ZCCHC7: variants seen among roughly 807,000 people sequenced by gnomAD.
The protein encoded by ZCCHC7 is zinc finger CCHC domain-containing protein 7.
In ZCCHC7, 35 loss-of-function variants were observed where a neutral mutation model predicts 52.0. The observed-to-expected ratio is 0.67, with a 90% CI of 0.51 to 0.89. The LOEUF (loss-of-function observed/expected upper bound fraction) is 0.89, where lower values mean the gene tolerates loss of function less well. Among genes scored for constraint, ZCCHC7 ranks in the 40% least tolerant of loss-of-function variants. The pLI is 0.00. For missense variants in ZCCHC7, 574 were observed against 649.1 expected (o/e 0.88, Z 1.26); for synonymous variants, 217 against 221.5 (o/e 0.98, Z 0.18).
intron 1 of ZCCHC7, among the ~76,000 whole-genome samples, chr9:37,123,402 AT>A (rs943214471): frequency 1.3e-5 from 2 of 152,180 alleles, no homozygotes; most frequent in Non-Finnish European, 2.9e-5. Context: ...GCCCAGCACA[AT>A]TTTCAAGTAC....
At chr9:37,281,664 C>G (rs949896376) in intron 2 of ZCCHC7, among the ~76,000 whole-genome samples, 2 of 152,110 alleles carry the variant, frequency 1.3e-5, no homozygotes, top group Non-Finnish European at 2.9e-5. Context: ...TTTGGTATGG[C>G]GTTTTGTATT....
At chr9:37,212,377 T>C (rs1429818156) in intron 2 of ZCCHC7, among the ~76,000 whole-genome samples, 3 of 152,228 alleles carry the variant, frequency 2.0e-5, no homozygotes, top group African/African-American at 7.2e-5. Context: ...AGTCAGCCAT[T>C]ATCCTAATGA....
intron 2 of ZCCHC7, among the ~76,000 whole-genome samples, chr9:37,228,376 A>T (rs1825223652): frequency 6.6e-6 from 1 of 151,680 alleles, no homozygotes; most frequent in Non-Finnish European, 1.5e-5. Flanking sequence ...TATAAAGGTG[A>T]TTTTATTTAT....
intron 1 of ZCCHC7, among the ~76,000 whole-genome samples, chr9:37,121,065 C>G (rs1588327293): frequency 1.3e-5 from 2 of 152,310 alleles, no homozygotes; most frequent in Non-Finnish European, 2.9e-5. Context: ...GCAGCTGCAG[C>G]AGTAGAATCC....
At chr9:37,136,369 G>T (rs1842997509) in intron 2 of ZCCHC7, among the ~76,000 whole-genome samples, 1 of 152,150 alleles carries the variant, frequency 6.6e-6, no homozygotes, top group South Asian at 2.1e-4. Flanking sequence ...GATCATTGTG[G>T]CAAACATGAG....
At chr9:37,147,179 C>T (rs1022726724) in intron 2 of ZCCHC7, among the ~76,000 whole-genome samples, 4 of 151,640 alleles carry the variant, frequency 2.6e-5, no homozygotes, top group Admixed American at 6.6e-5. Flanking sequence ...AAGTTAGCCC[C>T]GATAATTTCT....
At chr9:37,243,270 CATT>C (rs1444411991) in intron 2 of ZCCHC7, among the ~76,000 whole-genome samples, 1 of 151,702 alleles carries the variant, frequency 6.6e-6, no homozygotes, top group Non-Finnish European at 1.5e-5. Context: ...AAAATTTAAA[CATT>C]ATGAAAACAG....
chr9:37,220,813 A>T (rs967490530), intron 2 of ZCCHC7, among the ~76,000 whole-genome samples: 1 of 152,140 alleles, frequency 6.6e-6, no homozygotes, highest in African/African-American at 2.4e-5. Flanking sequence ...AAGAACAATG[A>T]GGAGAGAAGT....
chr9:37,146,720 C>CTTA (rs769389010), intron 2 of ZCCHC7, among the ~76,000 whole-genome samples: 5,969 of 151,894 alleles, frequency 0.039, 192 homozygotes, highest in Admixed American at 0.084. Flanking sequence ...AGAGAGAAGT[C>CTTA]TTTAATGTGC....
In ZCCHC7 at chr9:37,126,292, T is replaced by C. The variant is rs1181151901; in HGVS notation, c.-21-20T>C. On this transcript the variant is annotated intron_variant, in intron 1 of 8. Transcript: ENST00000336755. ...CTGAACTTTTAAAGTATATTCTGTG[T>C]ACAACTTTCTCTTTTGCAGCTTCAA... 6.3e-7 allele frequency: 1 copy of C among 1,577,442 alleles called. No individual in the cohort carries two copies. The highest frequency in any genetic ancestry group is 2.2e-5 in the East Asian group (1 of 44,692).
intron 2 of ZCCHC7, among the ~76,000 whole-genome samples, chr9:37,188,933 T>C (rs1350881368): frequency 1.0e-3 from 1 of 958 alleles, no homozygotes; most frequent in Non-Finnish European, 1.8e-3. Context: ...TCTCCTCCCC[T>C]CTCCCCTCCC....
At chr9:37,351,669 T>G (rs1821386695) in intron 7 of ZCCHC7, among the ~76,000 whole-genome samples, 1 of 152,184 alleles carries the variant, frequency 6.6e-6, no homozygotes. Flanking sequence ...CATTCCTCAT[T>G]ACTAAACATT....
intron 6 of ZCCHC7, among the ~76,000 whole-genome samples, chr9:37,336,604 T>C (rs1830675111): frequency 6.6e-6 from 1 of 152,282 alleles, no homozygotes; most frequent in African/African-American, 2.4e-5. Context: ...GTAATAGAGC[T>C]ATGGTTCTAT....
At chr9:37,283,003 A>C (rs756757472) in intron 2 of ZCCHC7, among the ~76,000 whole-genome samples, 3 of 151,854 alleles carry the variant, frequency 2.0e-5, no homozygotes, top group Non-Finnish European at 2.9e-5. Context: ...GAAGCAACTC[A>C]ATCATGCTAC....
intron 2 of ZCCHC7, among the ~76,000 whole-genome samples, chr9:37,136,294 G>A (rs1024051651): frequency 6.6e-5 from 10 of 152,132 alleles, no homozygotes; most frequent in African/African-American, 2.4e-4. Context: ...ATGAGATATT[G>A]GGTAGGCTTA....
At chr9:37,194,354 G>A (rs1437532370) in intron 2 of ZCCHC7, among the ~76,000 whole-genome samples, 2 of 152,124 alleles carry the variant, frequency 1.3e-5, no homozygotes, top group East Asian at 1.9e-4. Context: ...GGTCAATGTA[G>A]AGTTAAGTAG....
At chr9:37,208,210 G>A (rs923198103) in intron 2 of ZCCHC7, among the ~76,000 whole-genome samples, 3 of 152,018 alleles carry the variant, frequency 2.0e-5, no homozygotes, top group African/African-American at 4.8e-5. Flanking sequence ...TCATCCCCTC[G>A]AATAGCTGAG....
intron 6 of ZCCHC7, among the ~76,000 whole-genome samples, chr9:37,331,352 C>A (rs1271360930): frequency 6.6e-6 from 1 of 151,474 alleles, no homozygotes; most frequent in African/African-American, 2.4e-5. Flanking sequence ...TTCATTTTGC[C>A]ACTTAGTTTT....
chr9:37,242,469 T>C (rs1245633637), intron 2 of ZCCHC7, among the ~76,000 whole-genome samples: 1 of 151,840 alleles, frequency 6.6e-6, no homozygotes, highest in Non-Finnish European at 1.5e-5. Context: ...GTGCTGTCAG[T>C]GGAGCAAATG....
Sources: gnomAD v4.1 joint callset for allele counts (sites outside exome capture counted in the v4.1 genomes callset) on GRCh38, gnomAD v4.1.1 for gene constraint, MANE v1.5 for transcripts, NCBI Gene and HGNC (gene_info 2026-07-23, HGNC 2026-07-21) for gene names.